GLCE: variants seen among roughly 807,000 people sequenced by gnomAD.
GLCE encodes D-glucuronyl C5-epimerase.
A neutral mutation model predicts 47.9 loss-of-function variants in GLCE; 19 were observed. That is an observed-to-expected ratio of 0.40 (90% confidence interval 0.28 to 0.58). GLCE has a LOEUF of 0.58. Among genes scored for constraint, GLCE ranks in the 20% least tolerant of loss-of-function variants. The pLI, the probability that GLCE is intolerant of heterozygous loss-of-function variation, is 0.48. For missense variants in GLCE, 556 were observed against 743.3 expected (o/e 0.75, Z 2.93); for synonymous variants, 245 against 263.4 (o/e 0.93, Z 0.68).
intron 2 of GLCE, among the ~76,000 whole-genome samples, chr15:69,217,429 C>T (rs2052321831): frequency 6.6e-6 from 1 of 150,864 alleles, no homozygotes; most frequent in African/African-American, 2.4e-5. Flanking sequence ...ATTTTATTTC[C>T]TTTTTCCCTT....
At chr15:69,220,790 G>A (rs1175719050) in intron 2 of GLCE, among the ~76,000 whole-genome samples, 5 of 152,140 alleles carry the variant, frequency 3.3e-5, no homozygotes, top group African/African-American at 1.2e-4. Context: ...TTTTCATGAA[G>A]TCCAAATTGT....
intron 1 of GLCE, among the ~76,000 whole-genome samples, chr15:69,187,232 T>TG (rs2051836730): frequency 6.6e-6 from 1 of 152,190 alleles, no homozygotes; most frequent in Non-Finnish European, 1.5e-5. Context: ...TTATCTGTCA[T>TG]GTTAGACTTG....
At chr15:69,230,633 C>A (rs1047735507) in intron 2 of GLCE, among the ~76,000 whole-genome samples, 4 of 152,118 alleles carry the variant, frequency 2.6e-5, no homozygotes, top group Non-Finnish European at 4.4e-5. Flanking sequence ...TCCTGCTAAC[C>A]CTGATTATCA....
chr15:69,269,074 C>T lies in GLCE; in HGVS notation c.1684C>T (p.Leu562Phe), dbSNP rs764974808. 1.9e-6 allele frequency: 3 copies of T among 1,614,178 alleles called. No individual in the cohort carries two copies. Among genetic ancestry groups the T allele is most frequent in the South Asian group, 1.1e-5 (1 of 91,084 alleles). Residue 562 changes from leucine to phenylalanine, a missense_variant, in exon 5 of 5, where the codon CTC (leucine) becomes TTC (phenylalanine). By Grantham distance (22) the Leu-to-Phe change is conservative (BLOSUM62 0). Transcript: ENST00000261858. ...YDTGSGTIYDLRHFMLGIAPN... is the reference protein window; with the variant it reads ...YDTGSGTIYDFRHFMLGIAPN... ...CACTGGCTCAGGAACCATCTATGAC[C>T]TCCGTCACTTCATGCTTGGCATCGC...
In GLCE at chr15:69,183,070, G is replaced by A. The variant is rs181170219; in HGVS notation, c.-105+22313G>A. On this transcript the variant is annotated intron_variant, in intron 1 of 4. Coordinates refer to ENST00000261858, the MANE Select transcript of GLCE (RefSeq NM_015554.3). ...TTAAAATTGAGAAGGTTTAAGGTTT[G>A]ACTGTATGGGAATGAGTATAAAATA... Among the ~76,000 whole-genome samples the A allele has an allele frequency of 1.5e-3, 223 of 152,198 alleles. No homozygotes were observed. The Middle Eastern group carries it at 0.017, about 12-fold the overall frequency.
intron 2 of GLCE, among the ~76,000 whole-genome samples, chr15:69,253,471 C>A (rs923573418): frequency 6.6e-6 from 1 of 152,192 alleles, no homozygotes; most frequent in Non-Finnish European, 1.5e-5. Context: ...ATGAGTCATT[C>A]TCCCTTAAAT....
At chr15:69,183,347 G>A (rs988366909) in intron 1 of GLCE, among the ~76,000 whole-genome samples, 1 of 152,154 alleles carries the variant, frequency 6.6e-6, no homozygotes, top group African/African-American at 2.4e-5. Context: ...ATGTTTTTAG[G>A]GAAGAGTTAG....
chr15:69,204,663 G>A (rs931495688), intron 1 of GLCE, among the ~76,000 whole-genome samples: 3 of 152,216 alleles, frequency 2.0e-5, no homozygotes, highest in South Asian at 2.1e-4. Context: ...GACCAACAAT[G>A]TGGAATTCTC....
At chr15:69,254,059 G>A (rs2052886749) in intron 2 of GLCE, among the ~76,000 whole-genome samples, 1 of 152,214 alleles carries the variant, frequency 6.6e-6, no homozygotes, top group Admixed American at 6.5e-5. Flanking sequence ...AGAAACGGAA[G>A]TTTAGCATTT....
chr15:69,165,651 T>C (rs1472511308), intron 1 of GLCE, among the ~76,000 whole-genome samples: 2 of 152,142 alleles, frequency 1.3e-5, no homozygotes, highest in African/African-American at 4.8e-5. Flanking sequence ...TCATTCATTC[T>C]CTTGTGTTTA....
At chr15:69,267,639 CTTCT>C (rs2053104335) in intron 4 of GLCE, among the ~76,000 whole-genome samples, 1 of 152,198 alleles carries the variant, frequency 6.6e-6, no homozygotes, top group Admixed American at 6.5e-5. Flanking sequence ...GGGCAAGTTA[CTTCT>C]TTGTGTCTCA....
intron 2 of GLCE, among the ~76,000 whole-genome samples, chr15:69,241,175 A>C (rs1286379443): frequency 6.6e-6 from 1 of 152,202 alleles, no homozygotes; most frequent in East Asian, 1.9e-4. Context: ...CTTTAGATTG[A>C]TTGTTCTTAT....
At chr15:69,261,823 A>G (rs893625410) in intron 4 of GLCE, among the ~76,000 whole-genome samples, 2 of 152,186 alleles carry the variant, frequency 1.3e-5, no homozygotes, top group African/African-American at 4.8e-5. Flanking sequence ...GATTATCTCA[A>G]ACTTCATGTA....
Position 69,271,001 on chromosome 15 carries a change from T to C in GLCE, c.*1757T>C, listed in dbSNP as rs2053160023. ...TGTTCAAAATAAACTTTCTCCAGTC[T>C]GGGAACCTTTTTTACTTCCCCATAT... On this transcript the variant is annotated 3_prime_UTR_variant, in exon 5 of 5. Transcript: ENST00000261858. 1 of 152,376 alleles carries C rather than the reference T, an allele frequency of 6.6e-6. No individual in the cohort carries two copies. The highest frequency in any genetic ancestry group is 2.1e-4 in the South Asian group (1 of 4,826). The allele number at this position is 152,376 out of a possible 1,614,324, so 9.4% of individuals were successfully genotyped here. A position where few individuals can be genotyped will look rare whatever the true frequency, so the allele number is the denominator to read the frequency against.
intron 1 of GLCE, among the ~76,000 whole-genome samples, chr15:69,186,262 G>A (rs562154375): frequency 3.3e-5 from 5 of 152,178 alleles, no homozygotes; most frequent in South Asian, 2.1e-4. Flanking sequence ...GAGAGGCTGG[G>A]TAGATTAAAG....
At chr15:69,226,102 TGTTATTAGATACA>T (rs1278976892) in intron 2 of GLCE, among the ~76,000 whole-genome samples, 1 of 152,048 alleles carries the variant, frequency 6.6e-6, no homozygotes, top group African/African-American at 2.4e-5. Flanking sequence ...TTTAATCTTT[TGTTATTAGATACA>T]GTTATTAGAC....
chr15:69,243,919 C>T (rs1206146627), intron 2 of GLCE, among the ~76,000 whole-genome samples: 6 of 152,112 alleles, frequency 3.9e-5, no homozygotes, highest in East Asian at 1.9e-4. Context: ...GGATGACAGG[C>T]GTGAGCCACC....
chr15:69,163,787 T>G (rs909470654), intron 1 of GLCE, among the ~76,000 whole-genome samples: 1 of 152,196 alleles, frequency 6.6e-6, no homozygotes, highest in Non-Finnish European at 1.5e-5. Flanking sequence ...ACCCTAAAAT[T>G]AAAACATTTC....
At chr15:69,250,827 C>T (rs1241248796) in intron 2 of GLCE, among the ~76,000 whole-genome samples, 2 of 150,414 alleles carry the variant, frequency 1.3e-5, no homozygotes, top group Admixed American at 6.6e-5. Context: ...AAAAAAACAG[C>T]GTGGTCATGG....
Sources: allele counts gnomAD v4.1 joint callset (sites outside exome capture counted in the v4.1 genomes callset), GRCh38; gene constraint gnomAD v4.1.1; transcripts MANE v1.5; gene names NCBI Gene and HGNC (gene_info 2026-07-23, HGNC 2026-07-21).